ITGBL1: variants seen among roughly 807,000 people sequenced by gnomAD.
ITGBL1 encodes the protein integrin beta-like protein 1.
In ITGBL1, 51 loss-of-function variants were observed where a neutral mutation model predicts 68.5. That is an observed-to-expected ratio of 0.74 (90% CI 0.59 to 0.94). ITGBL1 has a LOEUF of 0.94. Among genes scored for constraint, ITGBL1 ranks in the 40% least tolerant of loss-of-function variants. ITGBL1 has a pLI of 0.00. For missense variants in ITGBL1, 649 were observed against 647.4 expected (o/e 1.00, Z -0.03); for synonymous variants, 209 against 227.3 (o/e 0.92, Z 0.72).
intron 2 of ITGBL1, among the ~76,000 whole-genome samples, chr13:101,566,770 T>C (rs140928592): frequency 5.1e-4 from 77 of 152,294 alleles, no homozygotes; most frequent in Middle Eastern, 3.4e-3. Context: ...ATATGTACAC[T>C]CTTCCTGTAA....
chr13:101,613,100 G>A (rs1236824473), intron 7 of ITGBL1, among the ~76,000 whole-genome samples: 1 of 152,042 alleles, frequency 6.6e-6, no homozygotes, highest in East Asian at 1.9e-4. Flanking sequence ...CCTTAACTTT[G>A]TTATCTATAA....
At chr13:101,646,151 C>T (rs140032950) in intron 7 of ITGBL1, among the ~76,000 whole-genome samples, 154 of 152,286 alleles carry the variant, frequency 1.0e-3, no homozygotes, top group African/African-American at 3.4e-3. Context: ...TCTGCAATGG[C>T]GTGAACTGCA....
chr13:101,707,791 C>T (rs1377887587), intron 9 of ITGBL1, among the ~76,000 whole-genome samples: 2 of 148,474 alleles, frequency 1.3e-5, no homozygotes, highest in South Asian at 2.1e-4. Flanking sequence ...ACGTGGAGGT[C>T]GCAGTAAACT....
At chr13:101,693,658 CTAT>C (rs768170123) in intron 8 of ITGBL1, among the ~76,000 whole-genome samples, 1 of 150,642 alleles carries the variant, frequency 6.6e-6, no homozygotes. Context: ...ATCTATCTAT[CTAT>C]CTATCATCTA....
At chr13:101,461,597 A>AGACAGGAGGC (rs1299672467) in intron 2 of ITGBL1, among the ~76,000 whole-genome samples, 1 of 152,148 alleles carries the variant, frequency 6.6e-6, no homozygotes, top group East Asian at 1.9e-4. Context: ...CAGGAGGCTA[A>AGACAGGAGGC]TACAGGAGGC....
chr13:101,720,528 C>CTGTGTGTGTGTGTGTGTG (rs1491358179), downstream of ITGBL1: 1 of 92,694 alleles, frequency 1.1e-5, no homozygotes, highest in African/African-American at 4.7e-5. Context: ...GGGGTGTTTG[C>CTGTGTGTGTGTGTGTGTG]TCTGTGTGTG....
chr13:101,666,052 T>A (rs1223825314), intron 7 of ITGBL1, among the ~76,000 whole-genome samples: 1 of 152,102 alleles, frequency 6.6e-6, no homozygotes, highest in African/African-American at 2.4e-5. Flanking sequence ...CCTGAAGGTG[T>A]CTGTAGTTTA....
chr13:101,485,125 T>C (rs1290960310), intron 2 of ITGBL1, among the ~76,000 whole-genome samples: 1 of 152,166 alleles, frequency 6.6e-6, no homozygotes, highest in Non-Finnish European at 1.5e-5. Context: ...CAAAATACTT[T>C]TCAAAAACAA....
intron 2 of ITGBL1, among the ~76,000 whole-genome samples, chr13:101,504,965 G>C (rs1465508213): frequency 6.6e-6 from 1 of 152,174 alleles, no homozygotes. Flanking sequence ...TGGAAGAAGG[G>C]AAGGGCAAAA....
At chr13:101,537,188 A>G (rs1469988705) in intron 2 of ITGBL1, among the ~76,000 whole-genome samples, 1 of 152,034 alleles carries the variant, frequency 6.6e-6, no homozygotes, top group East Asian at 1.9e-4. Flanking sequence ...GTATATTATC[A>G]GCCCTGAAAC....
intron 2 of ITGBL1, among the ~76,000 whole-genome samples, chr13:101,524,996 C>A (rs561083441): frequency 1.3e-5 from 2 of 152,180 alleles, no homozygotes; most frequent in Admixed American, 6.5e-5. Context: ...TGAATGAATA[C>A]CTATAATTGA....
intron 7 of ITGBL1, among the ~76,000 whole-genome samples, chr13:101,682,273 C>A (rs999842623): frequency 1.3e-5 from 2 of 152,098 alleles, no homozygotes; most frequent in East Asian, 3.8e-4. Context: ...AGGTCACAAG[C>A]TACTCTTTTT....
chr13:101,642,457 A>G lies in ITGBL1; in HGVS notation c.1015+44158A>G, dbSNP rs537743051. On this transcript the variant is annotated intron_variant, in intron 7 of 10. Coordinates refer to ENST00000376180, the MANE Select transcript of ITGBL1 (RefSeq NM_004791.3). ...TGTTTGAGTTCATTGTAGATTCTGG[A>G]TATTAGCCCTTTGTCAGGTGAGTAG... Among the ~76,000 whole-genome samples the G allele has an allele frequency of 8.6e-5, 13 of 152,030 alleles. No homozygotes were observed. The East Asian group carries it at 2.5e-3, about 29-fold the overall frequency.
At chr13:101,511,924 G>A (rs969995890) in intron 2 of ITGBL1, among the ~76,000 whole-genome samples, 1 of 152,102 alleles carries the variant, frequency 6.6e-6, no homozygotes, top group African/African-American at 2.4e-5. Flanking sequence ...AAAACCAGAA[G>A]TCTCCTTGAT....
intron 7 of ITGBL1, among the ~76,000 whole-genome samples, chr13:101,626,118 G>A (rs1420842053): frequency 6.6e-6 from 1 of 152,118 alleles, no homozygotes; most frequent in Non-Finnish European, 1.5e-5. Context: ...AACGGTATCA[G>A]CATCAAATTG....
chr13:101,625,356 T>C (rs2031734177), intron 7 of ITGBL1, among the ~76,000 whole-genome samples: 2 of 152,202 alleles, frequency 1.3e-5, no homozygotes, highest in African/African-American at 4.8e-5. Context: ...AGTTAAGCCT[T>C]CGTATGTCTT....
At chr13:101,476,776 G>A (rs1181906198) in intron 2 of ITGBL1, among the ~76,000 whole-genome samples, 1 of 152,080 alleles carries the variant, frequency 6.6e-6, no homozygotes, top group Non-Finnish European at 1.5e-5. Flanking sequence ...TGATAAAGGA[G>A]TCAACTCAGC....
chr13:101,557,628 T>C (rs2050028879), intron 2 of ITGBL1, among the ~76,000 whole-genome samples: 1 of 152,160 alleles, frequency 6.6e-6, no homozygotes, highest in Non-Finnish European at 1.5e-5. Flanking sequence ...AGGTTTCACC[T>C]ATCTCGGGTC....
At chr13:101,651,365 T>C (rs1361080025) in intron 7 of ITGBL1, among the ~76,000 whole-genome samples, 2 of 152,202 alleles carry the variant, frequency 1.3e-5, no homozygotes, top group African/African-American at 2.4e-5. Context: ...TGGTATCTCA[T>C]TGTAGTTTTG....
Sources: gnomAD v4.1 joint callset for allele counts (sites outside exome capture counted in the v4.1 genomes callset) on GRCh38, gnomAD v4.1.1 for gene constraint, MANE v1.5 for transcripts, NCBI Gene and HGNC (gene_info 2026-07-23, HGNC 2026-07-21) for gene names.